Variants in MARCHF1 observed in about 807,000 individuals in gnomAD.
MARCHF1 encodes the protein E3 ubiquitin-protein ligase MARCHF1.
MARCHF1 carries 40 observed loss-of-function variants against 54.2 expected under a neutral mutation model. The ratio of observed to expected loss-of-function variants is 0.74; its 90% CI spans 0.57 to 0.96. The LOEUF is 0.96. MARCHF1 is among the 40% of genes least tolerant of loss of function. The pLI, the probability that MARCHF1 is intolerant of heterozygous loss-of-function variation, is 0.00. For missense variants in MARCHF1, 586 were observed against 656.5 expected, an observed-to-expected ratio of 0.89 and a Z score of 1.17; for synonymous variants, 236 against 236.3, an observed-to-expected ratio of 1.00 and a Z score of 0.01.
chr4:163,633,828 G>T (rs1225850620), intron 5 of MARCHF1, among the ~76,000 whole-genome samples: 1 of 152,132 alleles, frequency 6.6e-6, no homozygotes, highest in Non-Finnish European at 1.5e-5. Flanking sequence ...AGGAAAAAAT[G>T]TTAAGGGCAG....
intron 2 of MARCHF1, among the ~76,000 whole-genome samples, chr4:164,029,592 CT>C (rs1162297792): frequency 6.6e-6 from 1 of 151,772 alleles, no homozygotes; most frequent in Non-Finnish European, 1.5e-5. Flanking sequence ...TCATTTTTAA[CT>C]TTTTTTCTTT....
chr4:164,379,834 G>A (rs1246600435), intron 1 of MARCHF1, among the ~76,000 whole-genome samples: 1 of 151,974 alleles, frequency 6.6e-6, no homozygotes, highest in Non-Finnish European at 1.5e-5. Flanking sequence ...AAATTAGCCA[G>A]GCATGGTGCT....
chr4:163,884,273 A>G lies in MARCHF1; in HGVS notation c.-38-30104T>C, dbSNP rs138178826. ...TCCTGTTAAATTTTTTTCTAGAAAG[A>G]AAGGGGAAGGGATTCTGATATTAAG... On this transcript the variant is annotated intron_variant, in intron 3 of 9. Transcript: ENST00000514618. Among the ~76,000 whole-genome samples the G allele has an allele frequency of 5.6e-3, 854 of 152,248 alleles. 9 individuals are homozygous for G. Among genetic ancestry groups the G allele is most frequent in the African/African-American group, 0.02 (827 of 41,526 alleles).
At chr4:163,653,798 C>A (rs1743050678) in intron 5 of MARCHF1, among the ~76,000 whole-genome samples, 1 of 151,512 alleles carries the variant, frequency 6.6e-6, no homozygotes, top group African/African-American at 2.4e-5. Flanking sequence ...GGTTTGGAAA[C>A]ACAAGTTTGA....
At chr4:163,534,882 C>T (rs1738476524) in intron 9 of MARCHF1, among the ~76,000 whole-genome samples, 1 of 151,976 alleles carries the variant, frequency 6.6e-6, no homozygotes, top group Admixed American at 6.6e-5. Context: ...AATAGTGGTA[C>T]TGTATCATGT....
intron 1 of MARCHF1, among the ~76,000 whole-genome samples, chr4:164,277,461 A>G (rs372085034): frequency 3.3e-5 from 5 of 152,294 alleles, no homozygotes; most frequent in East Asian, 1.9e-4. Context: ...CTCTCCTACT[A>G]GCTTCTGTAT....
chr4:163,729,155 A>C (rs1470725106), intron 4 of MARCHF1, among the ~76,000 whole-genome samples: 1 of 152,126 alleles, frequency 6.6e-6, no homozygotes, highest in African/African-American at 2.4e-5. Context: ...TTTATACATT[A>C]TTGGATTCAA....
rs538086217 is a variant in MARCHF1 at position 164,150,416 on chromosome 4, A to G, written c.-322-38754T>C. Among the ~76,000 whole-genome samples, 5 of 152,296 alleles carry G rather than the reference A, an allele frequency of 3.3e-5. No individual in the cohort carries two copies. In the South Asian group the frequency reaches 1.0e-3, roughly 32 times the overall value. On this transcript the variant is annotated intron_variant, in intron 1 of 9. Transcript: ENST00000514618. ...CTCTTTGAGACTTGTGTGTCTGCAAATAGGTCGTTACATATAACAAGCAAC... is the reference window on the plus strand; with the variant it reads ...CTCTTTGAGACTTGTGTGTCTGCAAGTAGGTCGTTACATATAACAAGCAAC...
chr4:163,733,193 A>ATATATATATATATATACACGTG (rs1561046773), intron 4 of MARCHF1, among the ~76,000 whole-genome samples: 10 of 21,784 alleles, frequency 4.6e-4, no homozygotes, highest in African/African-American at 1.3e-3. Flanking sequence ...ATATATATAT[A>ATATATATATATATATACACGTG]TATATATATA....
intron 4 of MARCHF1, among the ~76,000 whole-genome samples, chr4:163,750,038 C>T (rs545279637): frequency 2.2e-4 from 34 of 151,616 alleles, no homozygotes; most frequent in African/African-American, 8.0e-4. Context: ...CATTGCACTC[C>T]AGCCTGGGTG....
intron 1 of MARCHF1, among the ~76,000 whole-genome samples, chr4:164,324,483 G>A (rs1286947124): frequency 6.6e-6 from 1 of 151,428 alleles, no homozygotes; most frequent in East Asian, 1.9e-4. Flanking sequence ...AAACTTTGAT[G>A]AACCTATTAT....
At chr4:164,106,026 CA>C (rs1421984578) in intron 2 of MARCHF1, among the ~76,000 whole-genome samples, 1 of 150,704 alleles carries the variant, frequency 6.6e-6, no homozygotes, top group African/African-American at 2.4e-5. Flanking sequence ...TGCTCATCAT[CA>C]CTGGCCATCA....
chr4:163,785,548 T>C lies in MARCHF1; in HGVS notation c.111+68473A>G, dbSNP rs2110919993. ...CTCCTCAATCTCAAGAAAAATTTACTAATGAAACACAGTGTGGGGATATGT... is the reference window on the plus strand; with the variant it reads ...CTCCTCAATCTCAAGAAAAATTTACCAATGAAACACAGTGTGGGGATATGT... On this transcript the variant is annotated intron_variant, in intron 4 of 9. Coordinates refer to ENST00000514618, the MANE Select transcript of MARCHF1 (RefSeq NM_001394959.1). 1.3e-5 allele frequency among the ~76,000 whole-genome samples: 2 copies of C among 152,184 alleles called. 1 individual carries two copies. Among genetic ancestry groups the C allele is most frequent in the Non-Finnish European group, 2.9e-5 (2 of 67,934 alleles).
intron 3 of MARCHF1, among the ~76,000 whole-genome samples, chr4:163,965,314 CCAGACGTCCA>C (rs1752420967): frequency 6.6e-6 from 1 of 151,956 alleles, no homozygotes; most frequent in Admixed American, 6.6e-5. Context: ...TTGCCTTGTG[CCAGACGTCCA>C]CTACTCTGAG....
At chr4:163,573,818 G>T (rs1380023967) in intron 8 of MARCHF1, among the ~76,000 whole-genome samples, 1 of 151,976 alleles carries the variant, frequency 6.6e-6, no homozygotes, top group Non-Finnish European at 1.5e-5. Flanking sequence ...AGTCCTTTGG[G>T]TATATACTCA....
At chr4:164,072,485 C>G (rs1754888932) in intron 2 of MARCHF1, among the ~76,000 whole-genome samples, 1 of 151,996 alleles carries the variant, frequency 6.6e-6, no homozygotes, top group South Asian at 2.1e-4. Context: ...CACCTGAGCT[C>G]AGGAGTTTAA....
rs1741384355 is a variant in MARCHF1 at position 163,612,701 on chromosome 4, G to C, written c.580C>G (p.Pro194Ala). ...GAAGACCCAGCTAAGTTTTCACACG[G>C]CTTATTATTATTTCTCCTCCTTCTT... is the stretch of plus-strand genomic sequence containing the variant. ...SRRRRRNNNK[P>A]CENLAGSSTP... The change falls in exon 7 of 10, where the codon CCG becomes GCG. Residue 194 changes from proline to alanine, a missense_variant. Physicochemically the swap from Pro to Ala is conservative, Grantham distance 27 (BLOSUM62 -1). This residue lies in a region of MARCHF1 where 387 missense variants were observed against 394.6 expected (regional missense o/e 0.98). Coordinates refer to ENST00000514618, the MANE Select transcript of MARCHF1 (RefSeq NM_001394959.1). The C allele has an allele frequency of 2.0e-6, 3 of 1,535,538 alleles. No homozygotes were observed. The highest frequency in any genetic ancestry group is 2.6e-6 in the Non-Finnish European group (3 of 1,146,522).
At chr4:163,710,892 A>G (rs1354198020) in intron 4 of MARCHF1, among the ~76,000 whole-genome samples, 1 of 152,102 alleles carries the variant, frequency 6.6e-6, no homozygotes, top group Non-Finnish European at 1.5e-5. Context: ...AGCAATATAT[A>G]AAGTCAGGTT....
intron 1 of MARCHF1, among the ~76,000 whole-genome samples, chr4:164,353,845 A>G (rs1730427689): frequency 7.0e-6 from 1 of 143,468 alleles, no homozygotes; most frequent in African/African-American, 2.6e-5. Flanking sequence ...GAAAGGATCA[A>G]CAAAATTGAT....
Sources: allele counts gnomAD v4.1 joint callset (sites outside exome capture counted in the v4.1 genomes callset), GRCh38; gene constraint gnomAD v4.1.1; regional missense constraint gnomAD v4.1.1; transcripts MANE v1.5; gene names NCBI Gene and HGNC (gene_info 2026-07-23, HGNC 2026-07-21).